Variants in RHOBTB3 observed in about 807,000 individuals in gnomAD.
The protein encoded by RHOBTB3 is Rho related BTB domain containing 3, also known as rho-related BTB domain-containing protein 3.
RHOBTB3 carries 47 observed loss-of-function variants against 67.2 expected under a neutral mutation model. The ratio of observed to expected loss-of-function variants is 0.70; its 90% CI spans 0.55 to 0.89. The LOEUF is 0.89. Ranked by LOEUF, RHOBTB3 falls within the 40% of genes least tolerant of loss-of-function variation. The pLI is 0.00. For missense variants in RHOBTB3, 631 were observed against 750.0 expected (o/e 0.84, Z 1.85); for synonymous variants, 273 against 274.2 (o/e 1.00, Z 0.04).
At chr5:95,760,808 C>T (rs1279549149) in intron 6 of RHOBTB3, among the ~76,000 whole-genome samples, 1 of 152,106 alleles carries the variant, frequency 6.6e-6, no homozygotes. Context: ...GCATTATATA[C>T]TTAAAGTTTT....
intron 11 of RHOBTB3, among the ~76,000 whole-genome samples, chr5:95,789,832 A>G (rs13170826): frequency 0.65 from 99,091 of 152,044 alleles, 32,791 homozygotes; most frequent in African/African-American, 0.76. Context: ...TACTTCGTAA[A>G]AAAGACTCTG....
upstream of RHOBTB3, among the ~76,000 whole-genome samples, chr5:95,730,157 T>C (rs1244152135): frequency 6.6e-6 from 1 of 152,006 alleles, no homozygotes; most frequent in Non-Finnish European, 1.5e-5. Flanking sequence ...ACTATTAAAC[T>C]ACTTTCAACC....
At chr5:95,770,839 TC>T (rs1745688172) in intron 8 of RHOBTB3, 1 of 169,840 alleles carries the variant, frequency 5.9e-6, no homozygotes, top group African/African-American at 2.4e-5. Flanking sequence ...TTTTAAAAAA[TC>T]ACTACAACCA....
chr5:95,720,080 C>T (rs546134587), intron 1 of RHOBTB3, among the ~76,000 whole-genome samples: 25 of 152,262 alleles, frequency 1.6e-4, no homozygotes, highest in Non-Finnish European at 3.5e-4. Flanking sequence ...TACAAATGAG[C>T]AAATTAGTAT....
At chr5:95,726,886 T>G (rs560341436), upstream of RHOBTB3, among the ~76,000 whole-genome samples, 5 of 152,360 alleles carry the variant, frequency 3.3e-5, no homozygotes, top group South Asian at 1.0e-3. Context: ...TCCTTGTATC[T>G]GCCCACTTAC....
chr5:95,769,957 TAGAA>T (rs1336588991), intron 8 of RHOBTB3: 1 of 431,096 alleles, frequency 2.3e-6, no homozygotes, highest in Non-Finnish European at 4.6e-6. Flanking sequence ...TTGTTGACAA[TAGAA>T]AGAACCAGCT....
chr5:95,722,597 C>T (rs1422668646), intron 1 of RHOBTB3, among the ~76,000 whole-genome samples: 1 of 152,188 alleles, frequency 6.6e-6, no homozygotes, highest in Non-Finnish European at 1.5e-5. Flanking sequence ...TCAAGCAATT[C>T]TCCTGCCTCA....
chr5:95,750,700 C>T (rs1401685531), intron 4 of RHOBTB3, among the ~76,000 whole-genome samples: 2 of 152,094 alleles, frequency 1.3e-5, no homozygotes, highest in African/African-American at 4.8e-5. Context: ...GATGGTGGAC[C>T]ACATTGCTGG....
At chr5:95,728,983 C>T (rs1755140269), upstream of RHOBTB3, among the ~76,000 whole-genome samples, 1 of 152,186 alleles carries the variant, frequency 6.6e-6, no homozygotes, top group Non-Finnish European at 1.5e-5. Context: ...ACGGCAATGT[C>T]AGGAAGTTAC....
At chr5:95,777,710 A>C (rs1745930302) in intron 8 of RHOBTB3, among the ~76,000 whole-genome samples, 1 of 152,252 alleles carries the variant, frequency 6.6e-6, no homozygotes, top group South Asian at 2.1e-4. Context: ...ACAATTTATA[A>C]CATCAAAACA....
chr5:95,753,244 TG>T (rs1199844283), intron 5 of RHOBTB3, among the ~76,000 whole-genome samples: 1 of 151,244 alleles, frequency 6.6e-6, no homozygotes, highest in East Asian at 1.9e-4. Flanking sequence ...TGTGTGTGTG[TG>T]TGTGTGTGTG....
intron 4 of RHOBTB3, 66 bp from the exon 5 acceptor site, chr5:95,752,173 T>G: frequency 1.0e-6 from 1 of 954,642 alleles, no homozygotes; most frequent in South Asian, 1.5e-5. Flanking sequence ...TGACTTCAGA[T>G]GCAAATTTTC....
At chr5:95,770,727 T>G (rs1288316244) in intron 8 of RHOBTB3, 1 of 411,382 alleles carries the variant, frequency 2.4e-6, no homozygotes, top group Non-Finnish European at 4.9e-6. Flanking sequence ...GGGCTTGACA[T>G]TTATTAATGA....
At chr5:95,764,769 A>G (rs1205762537) in intron 7 of RHOBTB3, among the ~76,000 whole-genome samples, 2 of 152,224 alleles carry the variant, frequency 1.3e-5, no homozygotes, top group Non-Finnish European at 2.9e-5. Context: ...ATGTTTTACA[A>G]AAATGAAACT....
At position 95,731,901 on chromosome 5, in the gene RHOBTB3, C is replaced by T. The variant is rs1459848726; in HGVS notation, c.45C>T (p.Phe15=). The change falls in exon 2 of 12, where the codon TTC becomes TTT. Residue 15 remains phenylalanine, a synonymous_variant. Transcript: ENST00000379982. ...CGCTGGGGAACGAGGGGGACACATT[C>T]CACCAGGACAACCGGCCGTCGGGGC... is the stretch of plus-strand genomic sequence containing the variant. ...IVALGNEGDT[F]HQDNRPSGLI... 1.2e-6 allele frequency: 2 copies of T among 1,614,050 alleles called. No homozygotes were observed. Among genetic ancestry groups the T allele is most frequent in the East Asian group, 4.5e-5 (2 of 44,876 alleles).
upstream of RHOBTB3, among the ~76,000 whole-genome samples, chr5:95,726,332 G>A (rs571042098): frequency 6.6e-6 from 1 of 152,300 alleles, no homozygotes; most frequent in Non-Finnish European, 1.5e-5. Flanking sequence ...CAGCTCAGAA[G>A]AGACTTTGTA....
At chr5:95,787,033 G>A (rs1193137537) in intron 10 of RHOBTB3, among the ~76,000 whole-genome samples, 1 of 152,194 alleles carries the variant, frequency 6.6e-6, no homozygotes, top group Non-Finnish European at 1.5e-5. Context: ...AGCTTATTCA[G>A]ATGTGTCATC....
chr5:95,729,914 A>G (rs1020520024), upstream of RHOBTB3, among the ~76,000 whole-genome samples: 1 of 152,074 alleles, frequency 6.6e-6, no homozygotes, highest in Non-Finnish European at 1.5e-5. Context: ...CCATTCATCC[A>G]TTCTAGTGTC....
rs1209842627 is a variant in RHOBTB3, at chr5:95,731,623, C to A, written c.-60C>A. 2 of 1,607,704 alleles carry A rather than the reference C, an allele frequency of 1.2e-6. No homozygotes were observed. The highest frequency in any genetic ancestry group is 8.5e-7 in the Non-Finnish European group (1 of 1,177,596). On this transcript the variant is annotated 5_prime_UTR_variant, in exon 1 of 12. Coordinates refer to ENST00000379982, the MANE Select transcript of RHOBTB3 (RefSeq NM_014899.4). ...GGGTGAACTCGCCGCCCGGGGGCCC[C>A]GCGAAGCCGTGAGCCGCTGCTTTTC...
Sources: gnomAD v4.1 joint callset for allele counts (sites outside exome capture counted in the v4.1 genomes callset) on GRCh38, gnomAD v4.1.1 for gene constraint, MANE v1.5 for transcripts, NCBI Gene and HGNC (gene_info 2026-07-23, HGNC 2026-07-21) for gene names.